Variants in USP45 observed in about 807,000 individuals in gnomAD.
The protein encoded by USP45 is ubiquitin specific peptidase 45, also known as ubiquitin carboxyl-terminal hydrolase 45.
USP45 carries 89 observed loss-of-function variants against 95.8 expected under a neutral mutation model. The ratio of observed to expected loss-of-function variants is 0.93; its 90% CI spans 0.78 to 1.11. The LOEUF (loss-of-function observed/expected upper bound fraction) is 1.11, where lower values mean the gene tolerates loss of function less well. USP45 is among the 50% of genes least tolerant of loss of function. The probability of loss-of-function intolerance (pLI) is 0.00; values close to 1 mark genes in which losing one functional copy is unlikely to be tolerated. For missense variants in USP45, 898 were observed against 942.5 expected, an observed-to-expected ratio of 0.95 and a Z score of 0.62; for synonymous variants, 281 against 316.2, an observed-to-expected ratio of 0.89 and a Z score of 1.18.
At chr6:99,480,867 A>AT (rs1461293227) in intron 8 of USP45, among the ~76,000 whole-genome samples, 1 of 152,206 alleles carries the variant, frequency 6.6e-6, no homozygotes, top group African/African-American at 2.4e-5. Context: ...TCTTTACTTG[A>AT]TTTTAAAAAA....
chr6:99,500,798 A>G (rs1797203638), intron 5 of USP45, among the ~76,000 whole-genome samples: 1 of 152,160 alleles, frequency 6.6e-6, no homozygotes, highest in Non-Finnish European at 1.5e-5. Flanking sequence ...ACAGAATTCA[A>G]TAAATGTTTG....
At chr6:99,482,079 T>A (rs1039782570) in intron 8 of USP45, among the ~76,000 whole-genome samples, 1 of 152,204 alleles carries the variant, frequency 6.6e-6, no homozygotes, top group African/African-American at 2.4e-5. Flanking sequence ...CACAAGCTCA[T>A]ATTCAAATAA....
At chr6:99,501,519 C>T (rs570993458) in intron 5 of USP45, among the ~76,000 whole-genome samples, 15 of 152,256 alleles carry the variant, frequency 9.9e-5, no homozygotes, top group Non-Finnish European at 1.8e-4. Context: ...TTAGCCAGCA[C>T]GGCAATCTGT....
At chr6:99,465,284 T>C in intron 11 of USP45, 148 bp from the exon 12 acceptor site, 3 of 526,386 alleles carry the variant, frequency 5.7e-6, no homozygotes, top group Non-Finnish European at 6.7e-6. Context: ...TAATTGGGTA[T>C]TGCAGCACAT....
chr6:99,495,734 G>A (rs375265974), intron 5 of USP45, among the ~76,000 whole-genome samples: 3 of 152,220 alleles, frequency 2.0e-5, no homozygotes, highest in Non-Finnish European at 4.4e-5. Flanking sequence ...AGTAAAAGCT[G>A]TATGTAATCC....
At chr6:99,501,932 G>A (rs201683930) in intron 5 of USP45, 52 of 1,298,780 alleles carry the variant, frequency 4.0e-5, no homozygotes, top group Non-Finnish European at 4.9e-5. Flanking sequence ...ACATTTGACA[G>A]TTTATATCAA....
chr6:99,480,648 G>A (rs898655401), intron 8 of USP45, among the ~76,000 whole-genome samples: 12 of 151,286 alleles, frequency 7.9e-5, no homozygotes, highest in Admixed American at 1.3e-4. Flanking sequence ...TGGGCAACAA[G>A]AGCGAAACTC....
chr6:99,465,500 A>G (rs1340540199), intron 11 of USP45, among the ~76,000 whole-genome samples: 1 of 152,174 alleles, frequency 6.6e-6, no homozygotes. Context: ...AAAAGCCATG[A>G]AAAAAAGCAG....
At chr6:99,457,309 A>G (rs12213019) in intron 13 of USP45, among the ~76,000 whole-genome samples, 4 of 152,130 alleles carry the variant, frequency 2.6e-5, no homozygotes, top group Non-Finnish European at 4.4e-5. Flanking sequence ...GAAAATCCCT[A>G]ATAAAAACTT....
intron 9 of USP45, among the ~76,000 whole-genome samples, chr6:99,474,776 G>A (rs999391537): frequency 1.3e-5 from 2 of 152,168 alleles, no homozygotes; most frequent in African/African-American, 4.8e-5. Flanking sequence ...TAAGAGGGAG[G>A]AAAATGGAGA....
At position 99,446,330 on chromosome 6, in the gene USP45, C is replaced by T. The variant is rs371531665; in HGVS notation, c.1442G>A (p.Arg481His). 23 of 1,614,050 alleles carry T rather than the reference C, an allele frequency of 1.4e-5. No homozygotes were observed. The highest frequency in any genetic ancestry group is 2.7e-5 in the African/African-American group (2 of 74,924). The change falls in exon 14 of 18, where the codon CGT becomes CAT. Residue 481 changes from arginine to histidine, a missense_variant. Coordinates refer to ENST00000500704, the MANE Select transcript of USP45 (RefSeq NM_001346022.3). ...MFASLMNSES[R>H]LNESPTDDSE... is the part of the protein sequence containing the mutation. ...GTCATCAGTAGGGCTTTCATTCAGA[C>T]GTGACTCAGAATTCATGAGGCTGGC...
intron 5 of USP45, among the ~76,000 whole-genome samples, chr6:99,494,039 C>CA (rs1407758791): frequency 6.6e-6 from 1 of 152,072 alleles, no homozygotes. Flanking sequence ...ACAAACTATA[C>CA]AAAATTTTTA....
chr6:99,449,447 C>A (rs1038687095), intron 13 of USP45, among the ~76,000 whole-genome samples: 6 of 152,132 alleles, frequency 3.9e-5, no homozygotes, highest in African/African-American at 9.7e-5. Context: ...GTAAAGGGAT[C>A]AATTCAACAA....
chr6:99,479,187 T>C (rs71564273), intron 8 of USP45, among the ~76,000 whole-genome samples: 244 of 101,544 alleles, frequency 2.4e-3, no homozygotes, highest in Non-Finnish European at 3.9e-3. Flanking sequence ...CACACACACA[T>C]ACACAAAGTG....
At chr6:99,505,379 A>AT (rs1798281941) in intron 4 of USP45, among the ~76,000 whole-genome samples, 1 of 152,118 alleles carries the variant, frequency 6.6e-6, no homozygotes, top group Non-Finnish European at 1.5e-5. Flanking sequence ...AATGTAATGC[A>AT]TTATGGCCGG....
At chr6:99,467,331 G>A (rs1236377917) in intron 10 of USP45, among the ~76,000 whole-genome samples, 1 of 151,988 alleles carries the variant, frequency 6.6e-6, no homozygotes, top group African/African-American at 2.4e-5. Context: ...AACCATGAAC[G>A]CAGTTTAAGT....
chr6:99,475,752 C>G (rs146200247), intron 9 of USP45, among the ~76,000 whole-genome samples: 13 of 152,228 alleles, frequency 8.5e-5, no homozygotes, highest in African/African-American at 2.9e-4. Flanking sequence ...AGAATATTTA[C>G]TCTAAAAAAT....
chr6:99,486,773 T>A (rs890408022), intron 7 of USP45, among the ~76,000 whole-genome samples: 2 of 152,068 alleles, frequency 1.3e-5, no homozygotes, highest in Non-Finnish European at 2.9e-5. Context: ...TTTTTAGAAC[T>A]CTTTAATTGT....
intron 7 of USP45, among the ~76,000 whole-genome samples, chr6:99,486,990 T>C (rs867984780): frequency 6.6e-6 from 1 of 152,150 alleles, no homozygotes; most frequent in Non-Finnish European, 1.5e-5. Flanking sequence ...TCACGCAGCA[T>C]GGGGAACCAC....
Sources: allele counts gnomAD v4.1 joint callset (sites outside exome capture counted in the v4.1 genomes callset), GRCh38; gene constraint gnomAD v4.1.1; transcripts MANE v1.5; gene names NCBI Gene and HGNC (gene_info 2026-07-23, HGNC 2026-07-21).